Variants in ADNP2 observed in about 807,000 individuals in gnomAD.
ADNP2 encodes the protein activity-dependent neuroprotector homeobox protein 2.
ADNP2 carries 8 observed loss-of-function variants against 16.4 expected under a neutral mutation model. The ratio of observed to expected loss-of-function variants is 0.49; its 90% confidence interval spans 0.29 to 0.88. The LOEUF is 0.88. ADNP2 is among the 40% of genes least tolerant of loss of function. The pLI is 0.09. For synonymous variants in ADNP2, 637 were observed against 545.8 expected (o/e 1.17, Z -2.33); for missense variants, 1,397 against 1,395.1 (o/e 1.00, Z -0.02).
intron 1 of ADNP2, 139 bp from the exon 2 acceptor site, chr18:80,117,391 A>T (rs2052396115): frequency 2.0e-6 from 1 of 493,156 alleles, no homozygotes; most frequent in Non-Finnish European, 3.5e-6. Context: ...ATTCATTTGC[A>T]TATGAATGTT....
At position 80,136,301 on chromosome 18, in the gene ADNP2, G is replaced by A. The variant is rs1428471284; in HGVS notation, c.888G>A (p.Leu296=). Residue 296 remains leucine, a synonymous_variant, in exon 4 of 4, where the codon TTG becomes TTA. Coordinates refer to ENST00000262198, the MANE Select transcript of ADNP2 (RefSeq NM_014913.4). Reference sequence around the variant, plus strand: ...AGCCTCCTTGCTTCCATCTTGCTTTGCCACAGAACAGTCCAAGCCCAGCCG... The same window carrying A: ...AGCCTCCTTGCTTCCATCTTGCTTTACCACAGAACAGTCCAAGCCCAGCCG... ...PAQPPCFHLA[L]PQNSPSPAAG... The A allele has an allele frequency of 6.2e-7, 1 of 1,613,640 alleles. No homozygotes were observed. Among genetic ancestry groups the A allele is most frequent in the South Asian group, 1.1e-5 (1 of 91,078 alleles).
At chr18:80,125,445 C>T (rs2052451864) in intron 2 of ADNP2, among the ~76,000 whole-genome samples, 1 of 152,134 alleles carries the variant, frequency 6.6e-6, no homozygotes, top group Admixed American at 6.5e-5. Flanking sequence ...AGATCGAGAC[C>T]ATTCTGGCTA....
chr18:80,115,578 T>C (rs979544765), intron 1 of ADNP2, among the ~76,000 whole-genome samples: 1 of 152,186 alleles, frequency 6.6e-6, no homozygotes, highest in African/African-American at 2.4e-5. Context: ...CAGGGTTTAT[T>C]TTAATTTTGT....
chr18:80,136,262 A>G lies in ADNP2; in HGVS notation c.849A>G (p.Pro283=), dbSNP rs754720591. 2 of 1,614,172 alleles carry G rather than the reference A, an allele frequency of 1.2e-6. No homozygotes were observed. Among genetic ancestry groups the G allele is most frequent in the Admixed American group, 3.3e-5 (2 of 60,032 alleles). Residue 283 remains proline, a synonymous_variant, in exon 4 of 4, where the codon CCA becomes CCG. Coordinates refer to ENST00000262198, the MANE Select transcript of ADNP2 (RefSeq NM_014913.4). The part of the protein sequence containing the change: ...HLAAPANGSA[P]SAPAQPPCFH... Reference sequence around the variant, plus strand: ...CTGCACCAGCAAATGGCAGTGCTCCAAGCGCTCCAGCGCAGCCTCCTTGCT... The same window carrying G: ...CTGCACCAGCAAATGGCAGTGCTCCGAGCGCTCCAGCGCAGCCTCCTTGCT...
At chr18:80,115,468 T>C (rs1356293064) in intron 1 of ADNP2, among the ~76,000 whole-genome samples, 1 of 152,238 alleles carries the variant, frequency 6.6e-6, no homozygotes, top group Non-Finnish European at 1.5e-5. Flanking sequence ...GGAATGTATG[T>C]GTGTATGTGG....
At chr18:80,119,578 G>A (rs1473747652) in intron 2 of ADNP2, among the ~76,000 whole-genome samples, 1 of 152,172 alleles carries the variant, frequency 6.6e-6, no homozygotes, top group Non-Finnish European at 1.5e-5. Context: ...CACAGCACAT[G>A]TGACTTCAAT....
At chr18:80,117,435 C>A in intron 1 of ADNP2, 95 bp from the exon 2 acceptor site, 1 of 660,336 alleles carries the variant, frequency 1.5e-6, no homozygotes, top group Non-Finnish European at 2.4e-6. Context: ...GAAAATTATA[C>A]TCTATTCCTA....
rs1024506749 is a variant in ADNP2, at chr18:80,112,602, TAAA to T, written c.-14+3134_-14+3136del. Among the ~76,000 whole-genome samples the T allele has an allele frequency of 5.9e-5, 9 of 152,026 alleles. No homozygotes were observed. In the East Asian group the frequency reaches 1.5e-3, roughly 26 times the overall value. On this transcript the variant is annotated intron_variant, in intron 1 of 3. Coordinates refer to ENST00000262198, the MANE Select transcript of ADNP2 (RefSeq NM_014913.4). ...ATTTTTCAAATTCAAGGGAAAAAAA[TAAA>T]AAAGTGACAACTCCTTGGCCCTAGT...
intron 3 of ADNP2, 116 bp from the exon 4 acceptor site, chr18:80,135,496 G>A: frequency 9.3e-7 from 1 of 1,079,194 alleles, no homozygotes; most frequent in South Asian, 1.7e-5. Flanking sequence ...AAAACATTAA[G>A]TCAGGTTAAA....
chr18:80,119,796 G>A (rs954214306), intron 2 of ADNP2, among the ~76,000 whole-genome samples: 2 of 152,154 alleles, frequency 1.3e-5, no homozygotes, highest in East Asian at 1.9e-4. Flanking sequence ...TGGGATGGGC[G>A]AGGGACCCTT....
intron 1 of ADNP2, among the ~76,000 whole-genome samples, chr18:80,112,039 A>G (rs775923200): frequency 6.6e-6 from 1 of 152,102 alleles, no homozygotes; most frequent in Non-Finnish European, 1.5e-5. Context: ...TTGAATTGAA[A>G]TTGATAGGTT....
intron 2 of ADNP2, among the ~76,000 whole-genome samples, chr18:80,124,038 A>AT (rs1309073444): frequency 1.3e-5 from 2 of 152,092 alleles, no homozygotes; most frequent in African/African-American, 4.8e-5. Flanking sequence ...CCTTTTAAGT[A>AT]TTTTTTAGGA....
At chr18:80,115,503 T>C (rs1410674017) in intron 1 of ADNP2, among the ~76,000 whole-genome samples, 1 of 152,252 alleles carries the variant, frequency 6.6e-6, no homozygotes, top group Non-Finnish European at 1.5e-5. Context: ...ACTATCTCTA[T>C]TCTTCTATCT....
Position 80,140,296 on chromosome 18 carries a change from A to G in ADNP2, c.*1487A>G, listed in dbSNP as rs1346930491. The stretch of plus-strand genomic sequence containing the variant: ...TGTTGAACATTTTTTTTTTTTACCT[A>G]TTGTTTTCAGAGTGTCTATTTTGAA... On this transcript the variant is annotated 3_prime_UTR_variant, in exon 4 of 4. Coordinates refer to ENST00000262198, the MANE Select transcript of ADNP2 (RefSeq NM_014913.4). The G allele has an allele frequency of 1.3e-5, 2 of 151,360 alleles. No homozygotes were observed. Among genetic ancestry groups the G allele is most frequent in the Non-Finnish European group, 3.0e-5 (2 of 67,728 alleles). 9.4% of individuals were successfully genotyped at this position (151,360 alleles called of 1,614,324 possible). A position where few individuals can be genotyped will look rare whatever the true frequency, so the allele number is the denominator to read the frequency against.
At position 80,138,551 on chromosome 18, in the gene ADNP2, T is replaced by C. The variant is rs376573291; in HGVS notation, c.3138T>C (p.Tyr1046=). 7.5e-5 allele frequency: 121 copies of C among 1,613,420 alleles called. No homozygotes were observed. The highest frequency in any genetic ancestry group is 9.9e-5 in the Non-Finnish European group (117 of 1,179,906). ...LQILALDPKK[Y]EGRSYEEKKQ... The stretch of plus-strand genomic sequence containing the variant: ...TTTTAGCATTAGATCCTAAAAAATA[T>C]GAAGGCCGTTCTTATGAAGAAAAGA... The change falls in exon 4 of 4, where the codon TAT becomes TAC. Residue 1046 remains tyrosine (Y), a synonymous_variant. Transcript: ENST00000262198.
chr18:80,131,588 ATTATAC>A (rs1322781869), intron 2 of ADNP2, among the ~76,000 whole-genome samples: 15 of 139,460 alleles, frequency 1.1e-4, no homozygotes, highest in African/African-American at 3.1e-4. Flanking sequence ...TTTTTTTTTA[ATTATAC>A]TTTAAGTTCT....
chr18:80,137,228 A>G lies in ADNP2; in HGVS notation c.1815A>G (p.Thr605=), dbSNP rs2052545716. 1.2e-6 allele frequency: 2 copies of G among 1,614,104 alleles called. No homozygotes were observed. Among genetic ancestry groups the G allele is most frequent in the African/African-American group, 1.3e-5 (1 of 74,942 alleles). ...CTATTCTCAGACAGCTCATCCCTACAGGGAAACAAGTGAATGGGATTCCAA... is the reference window on the plus strand; with the variant it reads ...CTATTCTCAGACAGCTCATCCCTACGGGGAAACAAGTGAATGGGATTCCAA... The part of the protein sequence containing the change: ...SGSILRQLIP[T]GKQVNGIPTY... The change falls in exon 4 of 4, where the codon ACA becomes ACG. Residue 605 remains threonine, a synonymous_variant. Transcript: ENST00000262198. The surrounding 1 kb of genome is among the most constrained non-coding windows in gnomAD (Gnocchi z 4.2).
intron 2 of ADNP2, among the ~76,000 whole-genome samples, chr18:80,130,342 T>A (rs1233895144): frequency 1.3e-5 from 2 of 152,236 alleles, no homozygotes; most frequent in Non-Finnish European, 2.9e-5. Context: ...GGACTGTCCA[T>A]ATCACGCGAT....
Position 80,137,423 on chromosome 18 carries a change from G to A in ADNP2, c.2010G>A (p.Gln670=), listed in dbSNP as rs745961194. 1.3e-5 allele frequency: 21 copies of A among 1,614,180 alleles called. No homozygotes were observed. In the South Asian group the frequency reaches 2.2e-4, roughly 17 times the overall value. ...CTCCAGTGCTGGTGAATGCTGCTCA[G>A]AGCGTGTTTGTTCAGGCCTCCTCCT... The part of the protein sequence containing the change: ...PSPPVLVNAA[Q]SVFVQASSSA... Residue 670 remains glutamine, a synonymous_variant, in exon 4 of 4, where the codon CAG becomes CAA. Transcript: ENST00000262198. The surrounding 1 kb of genome is among the most constrained non-coding windows in gnomAD (Gnocchi z 4.2).
Sources: gnomAD v4.1 joint callset for allele counts (sites outside exome capture counted in the v4.1 genomes callset) on GRCh38, gnomAD v4.1.1 for gene constraint, Gnocchi (gnomAD v3.1) non-coding constraint, MANE v1.5 for transcripts, NCBI Gene and HGNC (gene_info 2026-07-23, HGNC 2026-07-21) for gene names.